EDARADD: variants seen among roughly 807,000 people sequenced by gnomAD.
EDARADD encodes EDAR associated via death domain.
In EDARADD, 20 loss-of-function variants were observed where a neutral mutation model predicts 25.6. The ratio of observed to expected loss-of-function variants is 0.78; its 90% CI spans 0.55 to 1.14. The LOEUF is 1.14. EDARADD is among the 50% of genes most tolerant of loss of function. The pLI is 0.00. For synonymous variants in EDARADD, 86 were observed against 94.4 expected (o/e 0.91, Z 0.52); for missense variants, 225 against 270.1 (o/e 0.83, Z 1.17).
At chr1:236,482,069 A>C (rs1571962968) in intron 5 of EDARADD, among the ~76,000 whole-genome samples, 198 bp from the exon 6 acceptor site, 1 of 146,982 alleles carries the variant, frequency 6.8e-6, no homozygotes, top group Non-Finnish European at 1.5e-5. Context: ...GAGCCGAGAT[A>C]GTGCCACTGC....
intron 5 of EDARADD, among the ~76,000 whole-genome samples, chr1:236,476,722 T>C (rs1251281109): frequency 6.6e-6 from 1 of 152,132 alleles, no homozygotes; most frequent in Non-Finnish European, 1.5e-5. Flanking sequence ...ACTGGGTTTC[T>C]CCATGTTGGT....
At chr1:236,427,500 C>G in intron 4 of EDARADD, 50 bp downstream of exon 4, 1 of 1,539,032 alleles carries the variant, frequency 6.5e-7, no homozygotes, top group South Asian at 1.2e-5. Flanking sequence ...GATAATCCAC[C>G]TAAAATTTTT....
intron 1 of EDARADD, among the ~76,000 whole-genome samples, chr1:236,402,160 C>T (rs1194097311): frequency 6.6e-6 from 1 of 152,106 alleles, no homozygotes; most frequent in Non-Finnish European, 1.5e-5. Context: ...TGGGGTTTTC[C>T]CATATTGGTC....
chr1:236,372,089 T>C (rs1411886562), intron 3 of EDARADD, among the ~76,000 whole-genome samples: 2 of 152,174 alleles, frequency 1.3e-5, no homozygotes, highest in East Asian at 3.9e-4. Flanking sequence ...CCTGAGTAGC[T>C]GGGACTACAG....
Position 236,356,756 on chromosome 1 carries a change from CA to C in EDARADD, c.-6+5928del, listed in dbSNP as rs10550022. 7.7e-3 allele frequency among the ~76,000 whole-genome samples: 1,138 copies of C among 148,356 alleles called. 15 individuals are homozygous for C. The highest frequency in any genetic ancestry group is 0.026 in the African/African-American group (1,041 of 40,570). On this transcript the variant is annotated intron_variant, in intron 3 of 7. Transcript: ENST00000439430. ...ACAGCCCCTTTAAAACAAAACAAAA[CA>C]AAAAAAAAAACCACACCAATTTGGC...
chr1:236,476,526 A>AT (rs35190730), intron 5 of EDARADD, among the ~76,000 whole-genome samples: 34,095 of 147,052 alleles, frequency 0.23, 4,051 homozygotes, highest in Non-Finnish European at 0.27. Flanking sequence ...GTCCCTACAG[A>AT]TTTTTTTTTT....
In EDARADD at chr1:236,420,846, G is replaced by C. The variant is rs1215719744; in HGVS notation, c.161-6546G>C. Among the ~76,000 whole-genome samples the C allele has an allele frequency of 4.4e-5, 6 of 135,424 alleles. No individual in the cohort carries two copies. The South Asian group carries it at 1.5e-3, about 34-fold the overall frequency. The allele number at this position is 135,424 out of a possible 152,430, so 88.8% of individuals were successfully genotyped here. A position where few individuals can be genotyped will look rare whatever the true frequency, so the allele number is the denominator to read the frequency against. On this transcript the variant is annotated intron_variant, in intron 3 of 5. Coordinates refer to ENST00000334232, the MANE Select transcript of EDARADD (RefSeq NM_145861.4). ...ACTCCTGAGTTCAAGCAATTCTCCTGCCTCAGCCTCCTGAGTAGCTGAGAT... is the reference window on the plus strand; with the variant it reads ...ACTCCTGAGTTCAAGCAATTCTCCTCCCTCAGCCTCCTGAGTAGCTGAGAT...
At chr1:236,479,540 C>T (rs1243224289) in intron 5 of EDARADD, among the ~76,000 whole-genome samples, 2 of 151,810 alleles carry the variant, frequency 1.3e-5, no homozygotes, top group African/African-American at 4.8e-5. Context: ...TTTAAGAATA[C>T]CTGGGCTTCT....
Position 236,419,676 on chromosome 1 carries a change from G to A in EDARADD, c.160+5377G>A, listed in dbSNP as rs11589887. Among the ~76,000 whole-genome samples, 109 of 152,286 alleles carry A rather than the reference G, an allele frequency of 7.2e-4. 1 individual carries two copies. The highest frequency in any genetic ancestry group is 1.2e-3 in the Admixed American group (18 of 15,298). ...ACTGACAGGCAGGAGAGCTGAGAGC[G>A]AGGCAAGCCTGGGTCAGATGGTGAC... is the stretch of plus-strand genomic sequence containing the variant. On this transcript the variant is annotated intron_variant, in intron 3 of 5. Coordinates refer to ENST00000334232, the MANE Select transcript of EDARADD (RefSeq NM_145861.4).
intron 1 of EDARADD, among the ~76,000 whole-genome samples, chr1:236,406,422 G>A (rs1571916025): frequency 6.6e-6 from 1 of 152,144 alleles, no homozygotes; most frequent in Non-Finnish European, 1.5e-5. Flanking sequence ...GTTGGTGAGC[G>A]TCATAGAGTT....
chr1:236,423,587 T>C (rs1176356082), intron 3 of EDARADD, among the ~76,000 whole-genome samples: 1 of 152,176 alleles, frequency 6.6e-6, no homozygotes, highest in Non-Finnish European at 1.5e-5. Context: ...ATGACCAGGC[T>C]CTTGAAATGC....
chr1:236,438,487 T>C (rs1030052752), intron 4 of EDARADD, among the ~76,000 whole-genome samples: 2 of 152,100 alleles, frequency 1.3e-5, no homozygotes, highest in Admixed American at 1.3e-4. Flanking sequence ...GGTGCCACTG[T>C]TGAAAATAGA....
chr1:236,352,433 A>G (rs1439186813), intron 3 of EDARADD, among the ~76,000 whole-genome samples: 1 of 152,206 alleles, frequency 6.6e-6, no homozygotes, highest in African/African-American at 2.4e-5. Flanking sequence ...GACTGGGTTC[A>G]GTGGCTCGTG....
intron 3 of EDARADD, among the ~76,000 whole-genome samples, chr1:236,372,598 C>T (rs1319554324): frequency 1.3e-5 from 2 of 152,096 alleles, no homozygotes; most frequent in Non-Finnish European, 2.9e-5. Flanking sequence ...AGTTAGGTTC[C>T]CTCCACTGCT....
intron 3 of EDARADD, among the ~76,000 whole-genome samples, chr1:236,419,269 C>T (rs1163090686): frequency 6.6e-6 from 1 of 152,098 alleles, no homozygotes; most frequent in Non-Finnish European, 1.5e-5. Context: ...TGGTGCACAC[C>T]TGTAGTCCCA....
intron 3 of EDARADD, among the ~76,000 whole-genome samples, chr1:236,415,626 G>T (rs1020648677): frequency 6.6e-6 from 1 of 152,122 alleles, no homozygotes; most frequent in Non-Finnish European, 1.5e-5. Flanking sequence ...TGTATTTTTA[G>T]TAGAGGCGGG....
chr1:236,373,459 G>A (rs1667193988), intron 3 of EDARADD, among the ~76,000 whole-genome samples: 1 of 152,176 alleles, frequency 6.6e-6, no homozygotes, highest in Non-Finnish European at 1.5e-5. Context: ...ACCTGCCTTG[G>A]CCTCCCGAAT....
intron 3 of EDARADD, among the ~76,000 whole-genome samples, chr1:236,416,115 A>G (rs186471333): frequency 6.6e-6 from 1 of 152,194 alleles, no homozygotes. Flanking sequence ...TTTCTGTCCA[A>G]AAAGGCTGTG....
Position 236,482,762 on chromosome 1 carries a change from A to T in EDARADD, c.*113A>T. On this transcript the variant is annotated 3_prime_UTR_variant, in exon 6 of 6. Coordinates refer to ENST00000334232, the MANE Select transcript of EDARADD (RefSeq NM_145861.4). ...TTAGGACAAGGACGTGGAACAGTGG[A>T]CACTGGTTTTCCCCAAAGCTGGCAG... 1.3e-6 allele frequency: 2 copies of T among 1,518,228 alleles called. No homozygotes were observed. The highest frequency in any genetic ancestry group is 3.5e-5 in the Admixed American group (2 of 56,958). The allele number at this position is 1,518,228 out of a possible 1,614,324, so 94.0% of individuals were successfully genotyped here.
Sources: allele counts gnomAD v4.1 joint callset (sites outside exome capture counted in the v4.1 genomes callset), GRCh38; gene constraint gnomAD v4.1.1; transcripts MANE v1.5; gene names NCBI Gene and HGNC (gene_info 2026-07-23, HGNC 2026-07-21).